TNRC6A: variants seen among roughly 807,000 people sequenced by gnomAD.
TNRC6A encodes trinucleotide repeat containing adaptor 6A, also known as trinucleotide repeat-containing gene 6A protein.
Under a neutral mutation model 221.2 loss-of-function variants are expected in TNRC6A, and 44 were observed. The observed-to-expected ratio is 0.20, with a 90% CI of 0.16 to 0.26. The LOEUF (loss-of-function observed/expected upper bound fraction) is 0.26, where lower values mean the gene tolerates loss of function less well. Among genes scored for constraint, TNRC6A ranks in the 10% least tolerant of loss-of-function variants. TNRC6A has a pLI of 1.00. For missense variants in TNRC6A, 2,199 were observed against 2,404.4 expected (o/e 0.91, Z 1.79); for synonymous variants, 847 against 838.5 (o/e 1.01, Z -0.18).
At chr16:24,710,021 C>A (rs1244911032) in intron 2 of TNRC6A, among the ~76,000 whole-genome samples, 6 of 151,218 alleles carry the variant, frequency 4.0e-5, no homozygotes, top group African/African-American at 1.5e-4. Context: ...TGAGGTTGGG[C>A]GTTCAAGACC....
chr16:24,682,908 C>T (rs562724460), intron 2 of TNRC6A, among the ~76,000 whole-genome samples: 7 of 152,202 alleles, frequency 4.6e-5, no homozygotes, highest in South Asian at 2.1e-4. Context: ...ACCAAGTGTT[C>T]GATAAATGCA....
At chr16:24,724,307 C>T (rs78179219) in intron 2 of TNRC6A, among the ~76,000 whole-genome samples, 1 of 152,238 alleles carries the variant, frequency 6.6e-6, no homozygotes, top group Non-Finnish European at 1.5e-5. Context: ...AAGTTAATTA[C>T]CCCCATCTGC....
intron 1 of TNRC6A, among the ~76,000 whole-genome samples, chr16:24,627,424 G>C (rs1901078139): frequency 6.6e-6 from 1 of 152,124 alleles, no homozygotes; most frequent in African/African-American, 2.4e-5. Flanking sequence ...CTACCAGGCA[G>C]AAGGGCGGCT....
intron 17 of TNRC6A, among the ~76,000 whole-genome samples, chr16:24,807,002 CCTTTT>C (rs1373200604): frequency 6.6e-6 from 1 of 151,632 alleles, no homozygotes; most frequent in East Asian, 1.9e-4. Context: ...TCTTTTCTTT[CCTTTT>C]CTTTTTTTTT....
chr16:24,774,143 A>G (rs1039067024), intron 4 of TNRC6A, among the ~76,000 whole-genome samples: 1 of 152,220 alleles, frequency 6.6e-6, no homozygotes, highest in African/African-American at 2.4e-5. Context: ...GTGATTATGA[A>G]CATAGTTAAC....
chr16:24,822,853 A>T, intron 23 of TNRC6A, 21 bp from the exon 24 acceptor site: 1 of 1,612,478 alleles, frequency 6.2e-7, no homozygotes, highest in Non-Finnish European at 8.5e-7. Context: ...TCTCACTGGC[A>T]GTTTCCACAC....
At chr16:24,759,756 A>G (rs368335353) in intron 4 of TNRC6A, among the ~76,000 whole-genome samples, 10 of 152,188 alleles carry the variant, frequency 6.6e-5, no homozygotes, top group African/African-American at 2.4e-4. Flanking sequence ...TCTTGGCAGT[A>G]GAGGTAGAAG....
intron 1 of TNRC6A, among the ~76,000 whole-genome samples, chr16:24,639,331 T>TA (rs1341512426): frequency 2.0e-5 from 3 of 151,798 alleles, no homozygotes; most frequent in African/African-American, 7.3e-5. Flanking sequence ...ATAAAAAATT[T>TA]AAAAAAAGAA....
intron 2 of TNRC6A, among the ~76,000 whole-genome samples, chr16:24,733,036 G>C (rs1175312862): frequency 6.6e-6 from 1 of 152,162 alleles, no homozygotes; most frequent in African/African-American, 2.4e-5. Context: ...GGCCAACATA[G>C]TGAAACCTCA....
intron 2 of TNRC6A, among the ~76,000 whole-genome samples, chr16:24,647,531 A>G (rs1089664): frequency 0.52 from 78,340 of 151,962 alleles, 20,566 homozygotes; most frequent in South Asian, 0.61. Context: ...ATCTGTAGGT[A>G]TACATCTCCA....
intron 3 of TNRC6A, among the ~76,000 whole-genome samples, chr16:24,753,415 T>G (rs1348260294): frequency 1.3e-5 from 2 of 152,230 alleles, no homozygotes; most frequent in East Asian, 3.8e-4. Flanking sequence ...GTTTAATACC[T>G]CTAATAAATG....
intron 2 of TNRC6A, among the ~76,000 whole-genome samples, chr16:24,664,314 G>C (rs543329493): frequency 2.0e-5 from 3 of 151,248 alleles, no homozygotes; most frequent in African/African-American, 7.3e-5. Flanking sequence ...GTGGGGGACA[G>C]AGTGTGACCC....
chr16:24,635,242 T>C (rs1044638296), intron 1 of TNRC6A, among the ~76,000 whole-genome samples: 3 of 151,676 alleles, frequency 2.0e-5, no homozygotes, highest in African/African-American at 7.3e-5. Flanking sequence ...CTGGATTGTT[T>C]TACTTCTTAT....
At position 24,795,889 on chromosome 16, in the gene TNRC6A, C is replaced by A; in HGVS notation, c.3529-18C>A. On this transcript the variant is annotated intron_variant, in intron 8 of 24. Coordinates refer to ENST00000395799, the MANE Select transcript of TNRC6A (RefSeq NM_014494.4). Reference sequence around the variant, plus strand: ...CCCACTGGACCATGCTGTTTTGTGACTTTGTCTTTCCTTACAGGGTCTGAG... The same window carrying A: ...CCCACTGGACCATGCTGTTTTGTGAATTTGTCTTTCCTTACAGGGTCTGAG... The A allele has an allele frequency of 5.0e-6, 8 of 1,587,196 alleles. No homozygotes were observed. The highest frequency in any genetic ancestry group is 6.9e-6 in the Non-Finnish European group (8 of 1,163,348).
intron 2 of TNRC6A, among the ~76,000 whole-genome samples, chr16:24,668,697 A>G (rs559955667): frequency 2.6e-5 from 4 of 152,312 alleles, no homozygotes; most frequent in Admixed American, 6.5e-5. Flanking sequence ...AGAGGTAATT[A>G]TTCACCCTTA....
intron 2 of TNRC6A, among the ~76,000 whole-genome samples, chr16:24,730,642 T>A (rs2056612184): frequency 1.3e-5 from 2 of 151,890 alleles, no homozygotes; most frequent in Admixed American, 1.3e-4. Flanking sequence ...GAGGCGGCCC[T>A]TATGGCGGGC....
Position 24,699,541 on chromosome 16 carries a change from G to C in TNRC6A, n.403-51185G>C, listed in dbSNP as rs146296471. ...CAGACAAGCCTGGGCAACATAGCAA[G>C]ATCCCATTTCTACAAAAAATTTTTA... On this transcript the variant is annotated intron_variant and non_coding_transcript_variant, in intron 2 of 2. Transcript: ENST00000566108. Among the ~76,000 whole-genome samples, 75 of 152,154 alleles carry C rather than the reference G, an allele frequency of 4.9e-4. No individual in the cohort carries two copies. The East Asian group carries it at 0.013, about 27-fold the overall frequency.
chr16:24,793,617 G>A lies in TNRC6A; in HGVS notation c.3320G>A (p.Ser1107Asn), dbSNP rs937260211. The part of the protein sequence containing the change: ...AASSTSTWGS[S>N]SVGPQALSKS... Reference sequence around the variant, plus strand: ...TCCAGCACATCCACGTGGGGCTCCAGCTCTGTTGGTCCACAAGCATTAAGC... The same window carrying A: ...TCCAGCACATCCACGTGGGGCTCCAACTCTGTTGGTCCACAAGCATTAAGC... The change falls in exon 7 of 25, where the codon AGC becomes AAC. Residue 1107 changes from serine to asparagine, a missense_variant. This residue lies in a region of TNRC6A where 1,405 missense variants were observed against 1,400.2 expected (regional missense o/e 1.00). Coordinates refer to ENST00000395799, the MANE Select transcript of TNRC6A (RefSeq NM_014494.4). 4.5e-6 allele frequency: 7 copies of A among 1,543,246 alleles called. No homozygotes were observed. In the African/African-American group the frequency reaches 8.2e-5, roughly 18 times the overall value.
chr16:24,772,934 A>G (rs892104886), intron 4 of TNRC6A, among the ~76,000 whole-genome samples: 1 of 152,194 alleles, frequency 6.6e-6, no homozygotes, highest in Admixed American at 6.5e-5. Flanking sequence ...TCAGTGTTAA[A>G]TTACTCCCTC....
Sources: gnomAD v4.1 joint callset for allele counts (sites outside exome capture counted in the v4.1 genomes callset) on GRCh38, gnomAD v4.1.1 for gene constraint, gnomAD v4.1.1 regional missense constraint, MANE v1.5 for transcripts, NCBI Gene and HGNC (gene_info 2026-07-23, HGNC 2026-07-21) for gene names.